The following CDH18 variants were observed in gnomAD, a reference collection of about 807,000 sequenced individuals.
The protein encoded by CDH18 is cadherin 18, also known as cadherin-18.
CDH18 carries 31 observed loss-of-function variants against 67.9 expected under a neutral mutation model. The ratio of observed to expected loss-of-function variants is 0.46; its 90% CI spans 0.34 to 0.62. The LOEUF (loss-of-function observed/expected upper bound fraction) is 0.62, where lower values mean the gene tolerates loss of function less well. Ranked by LOEUF, CDH18 falls within the 20% of genes least tolerant of loss-of-function variation. The probability of loss-of-function intolerance (pLI) is 0.01; values close to 1 mark genes in which losing one functional copy is unlikely to be tolerated. For synonymous variants in CDH18, 362 were observed against 347.2 expected (o/e 1.04, Z -0.48); for missense variants, 890 against 975.5 (o/e 0.91, Z 1.17).
chr5:19,614,043 A>G lies in CDH18; in HGVS notation c.644-1442T>C, dbSNP rs528397177. ...CAGTACAATTCTTAAGAAGTTGTCA[A>G]TTATAACTGTTACCTATAGGCTTTA... On this transcript the variant is annotated intron_variant, in intron 5 of 12. Transcript: ENST00000382275. 1.0e-3 allele frequency among the ~76,000 whole-genome samples: 154 copies of G among 152,212 alleles called. 1 individual carries two copies. Among genetic ancestry groups the G allele is most frequent in the African/African-American group, 3.7e-3 (152 of 41,572 alleles).
chr5:19,718,641 C>T (rs10941429), intron 5 of CDH18, among the ~76,000 whole-genome samples: 136,125 of 151,920 alleles, frequency 0.9, 62,703 homozygotes, highest in East Asian at 1. Context: ...AAGATACTTG[C>T]ATATTTAAAA....
At chr5:19,717,085 T>C (rs923867852) in intron 5 of CDH18, among the ~76,000 whole-genome samples, 2 of 152,110 alleles carry the variant, frequency 1.3e-5, no homozygotes, top group Non-Finnish European at 2.9e-5. Context: ...AGAGCTGATA[T>C]TGACTACTAT....
At chr5:20,405,953 G>A (rs1746211018) in intron 1 of CDH18, among the ~76,000 whole-genome samples, 1 of 152,298 alleles carries the variant, frequency 6.6e-6, no homozygotes. Flanking sequence ...GAGAGGATGT[G>A]AAGAAATAGG....
chr5:19,714,270 G>A (rs572403675), intron 5 of CDH18, among the ~76,000 whole-genome samples: 1 of 99,404 alleles, frequency 1.0e-5, no homozygotes, highest in South Asian at 4.4e-4. Context: ...AGGGAAGTTG[G>A]AAAAATCTAG....
chr5:20,519,826 T>C (rs929748385), intron 1 of CDH18, among the ~76,000 whole-genome samples: 1 of 151,862 alleles, frequency 6.6e-6, no homozygotes, highest in African/African-American at 2.4e-5. Context: ...TCAGACTTCT[T>C]GTTGGCATAG....
chr5:20,185,686 A>G lies in CDH18; in HGVS notation c.-518+69758T>C, dbSNP rs1425932554. On this transcript the variant is annotated intron_variant, in intron 2 of 14. Transcript: ENST00000507958. The stretch of plus-strand genomic sequence containing the variant: ...CTCTGCTTAAATATTACTCCATCTA[A>G]GAAGATACCTCCTGTGACTTAACGT... Among the ~76,000 whole-genome samples, 3 of 152,144 alleles carry G rather than the reference A, an allele frequency of 2.0e-5. No homozygotes were observed. The East Asian group carries it at 5.8e-4, about 30-fold the overall frequency.
At chr5:19,845,564 A>C (rs1782839469) in intron 2 of CDH18, among the ~76,000 whole-genome samples, 1 of 151,932 alleles carries the variant, frequency 6.6e-6, no homozygotes, top group Non-Finnish European at 1.5e-5. Context: ...CTGTTTCTTT[A>C]TTGATTTTCT....
At chr5:19,753,538 A>G (rs536116455) in intron 3 of CDH18, among the ~76,000 whole-genome samples, 1 of 152,350 alleles carries the variant, frequency 6.6e-6, no homozygotes, top group Admixed American at 6.5e-5. Context: ...TTAAATGACC[A>G]AACCTAAGAA....
chr5:20,277,795 T>C (rs1412955956), intron 1 of CDH18, among the ~76,000 whole-genome samples: 1 of 152,064 alleles, frequency 6.6e-6, no homozygotes, highest in African/African-American at 2.4e-5. Flanking sequence ...CAGAATTGTA[T>C]GAGATAAATT....
intron 2 of CDH18, among the ~76,000 whole-genome samples, chr5:19,889,624 C>T (rs1309091844): frequency 6.6e-6 from 1 of 152,036 alleles, no homozygotes; most frequent in East Asian, 1.9e-4. Flanking sequence ...AAAGGATTTA[C>T]ATCTGATGCC....
intron 2 of CDH18, among the ~76,000 whole-genome samples, chr5:20,139,946 GACCC>G (rs576142842): frequency 6.6e-5 from 10 of 152,122 alleles, no homozygotes; most frequent in Non-Finnish European, 1.3e-4. Context: ...AATACCGTTT[GACCC>G]ACCCATCCCA....
At position 19,663,883 on chromosome 5, in the gene CDH18, T is replaced by C. The variant is rs546406946; in HGVS notation, c.644-51282A>G. On this transcript the variant is annotated intron_variant, in intron 5 of 12. Coordinates refer to ENST00000382275, the MANE Select transcript of CDH18 (RefSeq NM_004934.5). ...TAAGATACACTTAAAAGACTTTTTT[T>C]TTTAATTTAGATATTCCAGTACCAT... Among the ~76,000 whole-genome samples, 6 of 151,974 alleles carry C rather than the reference T, an allele frequency of 3.9e-5. No homozygotes were observed. The East Asian group carries it at 1.2e-3, about 29-fold the overall frequency.
chr5:20,161,461 G>T (rs1299605223), intron 2 of CDH18, among the ~76,000 whole-genome samples: 1 of 152,140 alleles, frequency 6.6e-6, no homozygotes, highest in African/African-American at 2.4e-5. Flanking sequence ...AGGAAAAATT[G>T]CCAAGCCCAA....
chr5:19,591,200 C>G lies in CDH18; in HGVS notation c.856G>C (p.Ala286Pro), dbSNP rs773544279. The G allele has an allele frequency of 6.2e-6, 10 of 1,612,190 alleles. No individual in the cohort carries two copies. Among genetic ancestry groups the G allele is most frequent in the Admixed American group, 1.7e-5 (1 of 59,696 alleles). ...YVPESAQVGSAVGKIKANDAD... is the reference protein window; with the variant it reads ...YVPESAQVGSPVGKIKANDAD... Reference sequence around the variant, plus strand: ...TCATTTGCCTTGATTTTCCCAACAGCTGAACCAACTTGAGCTGACTCAGGA... The same window carrying G: ...TCATTTGCCTTGATTTTCCCAACAGGTGAACCAACTTGAGCTGACTCAGGA... Residue 286 changes from alanine to proline, a missense_variant, in exon 7 of 13, where the codon GCT becomes CCT. Around this residue, in one of 2 missense-constraint regions of CDH18, gnomAD observed 656 missense variants for 668.1 expected, o/e 0.98. Coordinates refer to ENST00000382275, the MANE Select transcript of CDH18 (RefSeq NM_004934.5).
chr5:19,721,418 T>A lies in CDH18; in HGVS notation c.572A>T (p.Tyr191Phe), dbSNP rs1411966905. Reference protein sequence around the residue: ...VTATDADDPTYGNSARVVYSI... With the variant: ...VTATDADDPTFGNSARVVYSI... ...GTAAACCACCCGAGCGCTGTTTCCA[T>A]AGGTAGGGTCATCTGCATCAGTAGC... is the stretch of plus-strand genomic sequence containing the variant. The change falls in exon 5 of 13, where the codon TAT (tyrosine) becomes TTT (phenylalanine). Residue 191 changes from tyrosine (Y) to phenylalanine (F), a missense_variant. This residue lies in a region of CDH18 where 234 missense variants were observed against 307.4 expected (regional missense o/e 0.76). Transcript: ENST00000382275. The A allele has an allele frequency of 1.2e-6, 2 of 1,610,774 alleles. No individual in the cohort carries two copies. The highest frequency in any genetic ancestry group is 2.7e-5 in the African/African-American group (2 of 74,892).
intron 1 of CDH18, among the ~76,000 whole-genome samples, chr5:20,521,335 A>C (rs73062661): frequency 0.011 from 1,697 of 152,318 alleles, 35 homozygotes; most frequent in African/African-American, 0.039. Context: ...GTGATAAAAC[A>C]AAAACAATCA....
chr5:20,189,554 C>A (rs533791507), intron 2 of CDH18, among the ~76,000 whole-genome samples: 1 of 151,990 alleles, frequency 6.6e-6, no homozygotes, highest in Non-Finnish European at 1.5e-5. Context: ...TCTTGAAACA[C>A]CTCTATGAGG....
At chr5:19,489,492 C>A (rs568531818) in intron 11 of CDH18, among the ~76,000 whole-genome samples, 30 of 151,988 alleles carry the variant, frequency 2.0e-4, no homozygotes, top group Non-Finnish European at 2.8e-4. Flanking sequence ...TGTGATCTGC[C>A]CCCCTTGGCC....
intron 3 of CDH18, among the ~76,000 whole-genome samples, chr5:19,756,722 G>T (rs1349634917): frequency 6.6e-6 from 1 of 152,218 alleles, no homozygotes; most frequent in African/African-American, 2.4e-5. Flanking sequence ...CAATGGAATT[G>T]TTGCTATGTC....
Sources: allele counts gnomAD v4.1 joint callset (sites outside exome capture counted in the v4.1 genomes callset), GRCh38; gene constraint gnomAD v4.1.1; regional missense constraint gnomAD v4.1.1; transcripts MANE v1.5; gene names NCBI Gene and HGNC (gene_info 2026-07-23, HGNC 2026-07-21).